Variants in ZBTB7C observed in about 807,000 individuals in gnomAD.
ZBTB7C encodes zinc finger and BTB domain containing 7C, also known as zinc finger and BTB domain-containing protein 7C.
In ZBTB7C, 8 loss-of-function variants were observed where a neutral mutation model predicts 25.7. That is an observed-to-expected ratio of 0.31 (90% CI 0.18 to 0.56). The LOEUF (loss-of-function observed/expected upper bound fraction) is 0.56, where lower values mean the gene tolerates loss of function less well. Ranked by LOEUF, ZBTB7C falls within the 20% of genes least tolerant of loss-of-function variation. ZBTB7C has a pLI of 0.91. For synonymous variants in ZBTB7C, 394 were observed against 369.0 expected (o/e 1.07, Z -0.78); for missense variants, 824 against 855.2 (o/e 0.96, Z 0.46).
At chr18:48,355,564 G>C (rs540335995) in intron 1 of ZBTB7C, among the ~76,000 whole-genome samples, 2 of 152,214 alleles carry the variant, frequency 1.3e-5, no homozygotes, top group Non-Finnish European at 2.9e-5. Context: ...AGACCTGCTC[G>C]GGGCTTCCCA....
chr18:48,378,581 A>G (rs899699259), intron 1 of ZBTB7C, among the ~76,000 whole-genome samples: 2 of 152,240 alleles, frequency 1.3e-5, no homozygotes, highest in Non-Finnish European at 1.5e-5. Context: ...AGATTTTTAA[A>G]TATATGCAGA....
At chr18:48,399,054 A>G (rs1293072549) in intron 1 of ZBTB7C, among the ~76,000 whole-genome samples, 1 of 152,256 alleles carries the variant, frequency 6.6e-6, no homozygotes, top group East Asian at 1.9e-4. Context: ...GGCTGGTTAG[A>G]TAAGTCAAGG....
chr18:48,122,669 C>G (rs2039669391), intron 3 of ZBTB7C, among the ~76,000 whole-genome samples: 1 of 152,160 alleles, frequency 6.6e-6, no homozygotes, highest in East Asian at 1.9e-4. Context: ...CAGCAAAATG[C>G]AAGGGTTGGA....
At chr18:48,267,612 A>G (rs896804593) in intron 2 of ZBTB7C, among the ~76,000 whole-genome samples, 1 of 152,170 alleles carries the variant, frequency 6.6e-6, no homozygotes, top group African/African-American at 2.4e-5. Context: ...ACACATCAAT[A>G]CGTGTCTCCA....
intron 3 of ZBTB7C, among the ~76,000 whole-genome samples, chr18:48,168,940 C>T (rs2041367296): frequency 6.6e-6 from 1 of 152,194 alleles, no homozygotes; most frequent in Non-Finnish European, 1.5e-5. Flanking sequence ...AACTTCTCAG[C>T]TGTGGAATCT....
chr18:48,232,097 C>A (rs981587665), intron 2 of ZBTB7C, among the ~76,000 whole-genome samples: 3 of 152,226 alleles, frequency 2.0e-5, no homozygotes, highest in Non-Finnish European at 4.4e-5. Flanking sequence ...GCCTGCCAGG[C>A]TGAGTGGGCA....
intron 2 of ZBTB7C, among the ~76,000 whole-genome samples, chr18:48,218,073 C>T (rs2042867117): frequency 6.6e-6 from 1 of 152,144 alleles, no homozygotes; most frequent in South Asian, 2.1e-4. Context: ...CTACCTGCAC[C>T]TGCAAGTCCA....
intron 3 of ZBTB7C, among the ~76,000 whole-genome samples, chr18:48,044,986 AT>A (rs2036411759): frequency 6.6e-6 from 1 of 152,246 alleles, no homozygotes; most frequent in African/African-American, 2.4e-5. Flanking sequence ...TCCCCAGGCC[AT>A]GCTCCCAACC....
intron 1 of ZBTB7C, among the ~76,000 whole-genome samples, chr18:48,388,488 A>T (rs1262989093): frequency 6.6e-6 from 1 of 152,164 alleles, no homozygotes. Context: ...ACTGATTGAA[A>T]ACGTATTTTC....
chr18:48,383,722 C>T (rs914754877), intron 1 of ZBTB7C, among the ~76,000 whole-genome samples: 10 of 152,104 alleles, frequency 6.6e-5, no homozygotes, highest in Admixed American at 4.6e-4. Context: ...GAGTCTGGCA[C>T]GTTGTAGAAA....
chr18:48,093,781 C>A (rs141922892), intron 3 of ZBTB7C, among the ~76,000 whole-genome samples: 1 of 152,126 alleles, frequency 6.6e-6, no homozygotes, highest in African/African-American at 2.4e-5. Flanking sequence ...TTCGGCCAGG[C>A]GCGGTGGCTC....
chr18:48,231,563 T>C (rs2043252421), intron 2 of ZBTB7C, among the ~76,000 whole-genome samples: 2 of 152,172 alleles, frequency 1.3e-5, no homozygotes, highest in African/African-American at 4.8e-5. Flanking sequence ...AGCTGCTCTG[T>C]TGCTTAACAG....
intron 3 of ZBTB7C, chr18:48,150,087 AGCCACGGTGCCTGGCCT>A (rs1229567918): frequency 1.3e-5 from 2 of 151,790 alleles, no homozygotes; most frequent in Non-Finnish European, 2.9e-5. Flanking sequence ...TACAGGCATG[AGCCACGGTGCCTGGCCT>A]GCAAGCATAA....
At chr18:48,266,554 T>C (rs1467870623) in intron 2 of ZBTB7C, among the ~76,000 whole-genome samples, 1 of 152,228 alleles carries the variant, frequency 6.6e-6, no homozygotes, top group Admixed American at 6.5e-5. Flanking sequence ...TTCATAATTT[T>C]AGCAGGAGTT....
chr18:48,209,520 C>G lies in ZBTB7C; in HGVS notation c.-78-23525G>C, dbSNP rs566286477. 1.3e-5 allele frequency among the ~76,000 whole-genome samples: 2 copies of G among 152,134 alleles called. 1 individual carries two copies. The highest frequency in any genetic ancestry group is 4.2e-4 in the South Asian group (2 of 4,812). On this transcript the variant is annotated intron_variant, in intron 2 of 4. Coordinates refer to ENST00000590800, the MANE Select transcript of ZBTB7C (RefSeq NM_001318841.2). ...CCGTAATCCCAGCACTTTGGGAGGC[C>G]GAGGCAGGAGGACTGCTTGAGGCCC... is the stretch of plus-strand genomic sequence containing the variant.
At chr18:48,090,100 C>A (rs759750033) in intron 3 of ZBTB7C, among the ~76,000 whole-genome samples, 1 of 152,180 alleles carries the variant, frequency 6.6e-6, no homozygotes, top group Admixed American at 6.5e-5. Context: ...GGACCCATCG[C>A]GGGAAGTGCC....
chr18:48,298,331 G>A (rs1306467155), intron 2 of ZBTB7C, among the ~76,000 whole-genome samples: 3 of 150,898 alleles, frequency 2.0e-5, no homozygotes, highest in Admixed American at 2.0e-4. Flanking sequence ...TTGTCCTCCT[G>A]GGGACAGACC....
At chr18:48,279,369 A>G (rs910853999) in intron 2 of ZBTB7C, among the ~76,000 whole-genome samples, 2 of 152,026 alleles carry the variant, frequency 1.3e-5, no homozygotes, top group African/African-American at 4.8e-5. Flanking sequence ...AAAAAAGGGG[A>G]GGCAAAAGAG....
At chr18:48,277,597 T>C (rs1478451561) in intron 2 of ZBTB7C, among the ~76,000 whole-genome samples, 1 of 152,232 alleles carries the variant, frequency 6.6e-6, no homozygotes, top group Non-Finnish European at 1.5e-5. Flanking sequence ...TGCTTAACCA[T>C]GTGCAAGGTG....
Sources: gnomAD v4.1 joint callset for allele counts (sites outside exome capture counted in the v4.1 genomes callset) on GRCh38, gnomAD v4.1.1 for gene constraint, MANE v1.5 for transcripts, NCBI Gene and HGNC (gene_info 2026-07-23, HGNC 2026-07-21) for gene names.